Variants in PIP5K1C observed in about 807,000 individuals in gnomAD.
The protein encoded by PIP5K1C is phosphatidylinositol-4-phosphate 5-kinase type 1 gamma, also known as phosphatidylinositol 4-phosphate 5-kinase type-1 gamma.
A neutral mutation model predicts 80.1 loss-of-function variants in PIP5K1C; 45 were observed. That is an observed-to-expected ratio of 0.56 (90% confidence interval 0.44 to 0.72). The LOEUF is 0.72. Among genes scored for constraint, PIP5K1C ranks in the 30% least tolerant of loss-of-function variants. PIP5K1C has a pLI of 0.00. For synonymous variants in PIP5K1C, 498 were observed against 420.1 expected, an observed-to-expected ratio of 1.19 and a Z score of -2.27; for missense variants, 753 against 954.6, an observed-to-expected ratio of 0.79 and a Z score of 2.78.
chr19:3,634,482 G>A (rs1467184649), intron 16 of PIP5K1C, among the ~76,000 whole-genome samples: 1 of 152,192 alleles, frequency 6.6e-6, no homozygotes, highest in African/African-American at 2.4e-5. Flanking sequence ...TCGGCCTGAA[G>A]TGCCAGGCCT....
Position 3,648,808 on chromosome 19 carries a change from G to A in PIP5K1C, c.1128-100C>T. On this transcript the variant is annotated intron_variant, in intron 8 of 17. Transcript: ENST00000335312. The surrounding 1 kb of genome is among the most constrained non-coding windows in gnomAD (Gnocchi z 4.3). ...AGGGCTAGGGAGTCCATCTGCTCCT[G>A]TGGGTGGCAACTTGGCCAAGCTCTC... is the stretch of plus-strand genomic sequence containing the variant. 3.0e-6 allele frequency: 3 copies of A among 1,001,738 alleles called. No homozygotes were observed. The South Asian group carries it at 4.0e-5, about 13-fold the overall frequency. 62.1% of individuals were successfully genotyped at this position (1,001,738 alleles called of 1,614,324 possible).
intron 8 of PIP5K1C, among the ~76,000 whole-genome samples, chr19:3,650,592 C>G (rs1568323920): frequency 2.0e-5 from 3 of 152,240 alleles, no homozygotes; most frequent in Non-Finnish European, 4.4e-5. Flanking sequence ...GCCCTCACAT[C>G]CAGTGTCCCA....
At chr19:3,661,264 A>T (rs1325236959) in intron 4 of PIP5K1C, among the ~76,000 whole-genome samples, 181 bp from the exon 5 acceptor site, 1 of 152,152 alleles carries the variant, frequency 6.6e-6, no homozygotes, top group African/African-American at 2.4e-5. Context: ...TCCCCCAGTA[A>T]CCACCCTCTC....
At chr19:3,691,318 G>A (rs1460266925) in intron 1 of PIP5K1C, among the ~76,000 whole-genome samples, 2 of 152,186 alleles carry the variant, frequency 1.3e-5, no homozygotes, top group Non-Finnish European at 2.9e-5. Context: ...TGGATTTTAC[G>A]ACATCTTGGG....
At chr19:3,652,590 T>C (rs1168239963) in intron 7 of PIP5K1C, among the ~76,000 whole-genome samples, 1 of 151,488 alleles carries the variant, frequency 6.6e-6, no homozygotes, top group Non-Finnish European at 1.5e-5. Flanking sequence ...CTTGGCTCCA[T>C]GCCTCGAAGC....
chr19:3,667,358 A>G lies in PIP5K1C; in HGVS notation c.95-5T>C, dbSNP rs764014360. The G allele has an allele frequency of 6.2e-7, 1 of 1,612,950 alleles. No individual in the cohort carries two copies. The highest frequency in any genetic ancestry group is 1.1e-5 in the South Asian group (1 of 91,084). ...CCGCCTTCTTCTGAGCCAAACCTGC[A>G]GAAGAGACAAGCTGGGTATCAGACA... is the stretch of plus-strand genomic sequence containing the variant. On this transcript the variant is annotated splice_region_variant and splice_polypyrimidine_tract_variant and intron_variant, in intron 1 of 17. Transcript: ENST00000335312.
At chr19:3,683,447 C>T (rs957734080) in intron 1 of PIP5K1C, among the ~76,000 whole-genome samples, 27 of 152,214 alleles carry the variant, frequency 1.8e-4, no homozygotes, top group African/African-American at 5.5e-4. Context: ...CAGGAGCTGG[C>T]CAGAGACGAG....
chr19:3,680,724 C>G (rs1319969347), intron 1 of PIP5K1C, among the ~76,000 whole-genome samples: 3 of 152,196 alleles, frequency 2.0e-5, no homozygotes, highest in African/African-American at 7.2e-5. Flanking sequence ...TCCCTTAAGT[C>G]AGGGGTCAGC....
At chr19:3,651,804 CG>C in intron 8 of PIP5K1C, 21 bp downstream of exon 8, 1 of 1,604,774 alleles carries the variant, frequency 6.2e-7, no homozygotes, top group Non-Finnish European at 8.5e-7. Context: ...GGGACGGGTC[CG>C]GCGGCCCCCC....
At chr19:3,660,461 G>A (rs1312471380) in intron 5 of PIP5K1C, among the ~76,000 whole-genome samples, 1 of 152,100 alleles carries the variant, frequency 6.6e-6, no homozygotes, top group African/African-American at 2.4e-5. Context: ...CCTCTTTTAG[G>A]AGCCCGGATA....
intron 16 of PIP5K1C, among the ~76,000 whole-genome samples, 158 bp from the exon 17 acceptor site, chr19:3,633,678 G>A (rs566134802): frequency 3.3e-5 from 5 of 152,272 alleles, no homozygotes; most frequent in East Asian, 1.9e-4. Context: ...TCTCTGACCC[G>A]GTGGACTTGC....
intron 1 of PIP5K1C, among the ~76,000 whole-genome samples, chr19:3,693,709 C>A (rs1206502349): frequency 1.5e-5 from 2 of 137,228 alleles, no homozygotes; most frequent in Non-Finnish European, 3.1e-5. Context: ...TTCCCAGGGG[C>A]TAGGGCCTCA....
At position 3,661,072 on chromosome 19, in the gene PIP5K1C, T is replaced by G. The variant is rs1600003820; in HGVS notation, c.362A>C (p.Asn121Thr). The G allele has an allele frequency of 2.5e-6, 4 of 1,613,160 alleles. No homozygotes were observed. The highest frequency in any genetic ancestry group is 3.4e-6 in the Non-Finnish European group (4 of 1,179,468). ...CTGGAAGTGGTGGGCGGGGGTGAGG[T>G]TGCTGCCTTCGCTGTGGAGGAAGGA... Reference protein sequence around the residue: ...ESIFFPSEGSNLTPAHHFQDF... With the variant: ...ESIFFPSEGSTLTPAHHFQDF... Residue 121 changes from asparagine to threonine, a missense_variant, in exon 5 of 18, where the codon AAC becomes ACC. Physicochemically the swap from Asn to Thr is moderately conservative, Grantham distance 65. Transcript: ENST00000335312.
rs111292576 is a variant in PIP5K1C, at chr19:3,666,654, C to T, written c.126+668G>A. Among the ~76,000 whole-genome samples, 82 of 151,790 alleles carry T rather than the reference C, an allele frequency of 5.4e-4. 1 individual carries two copies. The highest frequency in any genetic ancestry group is 1.8e-3 in the African/African-American group (74 of 41,362). On this transcript the variant is annotated intron_variant, in intron 2 of 17. Transcript: ENST00000335312. ...ACAGGCAAACACGTGCACACATGCA[C>T]GCAAACATGCACACACACAAACGTG...
rs1324528919 is a variant in PIP5K1C, at chr19:3,643,297, G to A, written c.1595C>T (p.Ser532Phe). The A allele has an allele frequency of 1.2e-6, 2 of 1,614,038 alleles. No homozygotes were observed. Among genetic ancestry groups the A allele is most frequent in the Admixed American group, 1.7e-5 (1 of 60,028 alleles). The change falls in exon 13 of 18, where the codon TCC becomes TTC. Residue 532 changes from serine (S) to phenylalanine (F), a missense_variant. Physicochemically the swap from Ser to Phe is radical, Grantham distance 155. This residue lies in a region of PIP5K1C where 315 missense variants were observed against 294.5 expected (regional missense o/e 1.07). Coordinates refer to ENST00000335312, the MANE Select transcript of PIP5K1C (RefSeq NM_012398.3). ...GGGGGACCGCTCAGGAATGGAGAGG[G>A]ATGTGGATGACAGAGTCGTGGCAAT... is the stretch of plus-strand genomic sequence containing the variant. ...ASIATTLSSTSLSIPERSPSE... is the reference protein window; with the variant it reads ...ASIATTLSSTFLSIPERSPSE...
At chr19:3,693,362 C>A (rs980129617) in intron 1 of PIP5K1C, among the ~76,000 whole-genome samples, 3 of 152,178 alleles carry the variant, frequency 2.0e-5, no homozygotes, top group Non-Finnish European at 4.4e-5. Flanking sequence ...CACCTGGGGG[C>A]CCTCATGCTC....
At chr19:3,656,384 C>T (rs766021395) in intron 6 of PIP5K1C, 21 bp downstream of exon 6, 4 of 1,612,796 alleles carry the variant, frequency 2.5e-6, no homozygotes, top group Non-Finnish European at 3.4e-6. Context: ...AGCCATCTGC[C>T]CCGCAGGGCG....
rs1490955893 is a variant in PIP5K1C, at chr19:3,696,753, A to G, written c.94+3544T>C. Among the ~76,000 whole-genome samples, 14 of 95,236 alleles carry G rather than the reference A, an allele frequency of 1.5e-4. No individual in the cohort carries two copies. The highest frequency in any genetic ancestry group is 3.9e-4 in the African/African-American group (10 of 25,342). The allele number at this position is 95,236 out of a possible 152,430, so 62.5% of individuals were successfully genotyped here. ...GTGCGGAGGGGAGGGCAGGGAGGGCAGGGAGGGCCCGGGGCAGGCTGTGCA... is the reference window on the plus strand; with the variant it reads ...GTGCGGAGGGGAGGGCAGGGAGGGCGGGGAGGGCCCGGGGCAGGCTGTGCA... On this transcript the variant is annotated intron_variant, in intron 1 of 17. Transcript: ENST00000335312. This position sits in a 1 kb window ranked among gnomAD's most constrained non-coding sequence, Gnocchi z 4.1.
At chr19:3,652,268 G>T (rs2034479979) in intron 7 of PIP5K1C, among the ~76,000 whole-genome samples, 1 of 152,216 alleles carries the variant, frequency 6.6e-6, no homozygotes, top group Admixed American at 6.5e-5. Flanking sequence ...CTCACAGCAG[G>T]CTGCCCCGGG....
Sources: gnomAD v4.1 joint callset for allele counts (sites outside exome capture counted in the v4.1 genomes callset) on GRCh38, gnomAD v4.1.1 for gene constraint, gnomAD v4.1.1 regional missense constraint, Gnocchi (gnomAD v3.1) non-coding constraint, MANE v1.5 for transcripts, NCBI Gene and HGNC (gene_info 2026-07-23, HGNC 2026-07-21) for gene names.